PTPRM: variants seen among roughly 807,000 people sequenced by gnomAD.
PTPRM encodes the protein protein tyrosine phosphatase receptor type M.
A neutral mutation model predicts 186.7 loss-of-function variants in PTPRM; 47 were observed. The ratio of observed to expected loss-of-function variants is 0.25; its 90% CI spans 0.20 to 0.32. The LOEUF (loss-of-function observed/expected upper bound fraction) is 0.32, where lower values mean the gene tolerates loss of function less well. Among genes scored for constraint, PTPRM ranks in the 10% least tolerant of loss-of-function variants. The pLI, the probability that PTPRM is intolerant of heterozygous loss-of-function variation, is 1.00. For synonymous variants in PTPRM, 668 were observed against 674.9 expected (o/e 0.99, Z 0.16); for missense variants, 1,494 against 1,865.0 (o/e 0.80, Z 3.66).
At chr18:7,614,046 G>A (rs1217557375) in intron 1 of PTPRM, among the ~76,000 whole-genome samples, 1 of 152,152 alleles carries the variant, frequency 6.6e-6, no homozygotes, top group Non-Finnish European at 1.5e-5. Flanking sequence ...GGGGTCTGCC[G>A]ATGGTGCATA....
chr18:8,383,932 T>C (rs190814172), intron 29 of PTPRM, among the ~76,000 whole-genome samples: 2 of 152,004 alleles, frequency 1.3e-5, no homozygotes, highest in Admixed American at 1.3e-4. Flanking sequence ...CTGATGAGAG[T>C]TCCCTTCACC....
chr18:7,690,942 G>T (rs1457091073), intron 1 of PTPRM, among the ~76,000 whole-genome samples: 1 of 151,874 alleles, frequency 6.6e-6, no homozygotes. Context: ...GGGTTTTTTT[G>T]GAATTTTAAT....
intron 1 of PTPRM, among the ~76,000 whole-genome samples, chr18:7,720,248 G>A (rs1446075): frequency 3.9e-5 from 6 of 152,034 alleles, no homozygotes; most frequent in South Asian, 2.1e-4. Flanking sequence ...TAAAATAAAC[G>A]TACAAAAATA....
intron 2 of PTPRM, among the ~76,000 whole-genome samples, chr18:7,806,223 A>C (rs1451480542): frequency 6.6e-6 from 1 of 152,144 alleles, no homozygotes; most frequent in African/African-American, 2.4e-5. Context: ...ACTAATGTCA[A>C]ATTTGGTCTG....
At chr18:8,111,370 T>C (rs1309374238) in intron 11 of PTPRM, among the ~76,000 whole-genome samples, 1 of 152,152 alleles carries the variant, frequency 6.6e-6, no homozygotes, top group African/African-American at 2.4e-5. Flanking sequence ...CCCAGAACTT[T>C]GGGAGGCCGA....
At chr18:8,326,904 C>T (rs141810992) in intron 22 of PTPRM, among the ~76,000 whole-genome samples, 1 of 152,138 alleles carries the variant, frequency 6.6e-6, no homozygotes, top group African/African-American at 2.4e-5. Flanking sequence ...GGGGCCTTTT[C>T]TTTTTAATAC....
chr18:7,947,079 G>A (rs2052578950), intron 5 of PTPRM: 2 of 451,194 alleles, frequency 4.4e-6, no homozygotes, highest in Non-Finnish European at 4.4e-6. Context: ...TTCAGGATTA[G>A]CAAGCCCATT....
chr18:7,705,273 A>C (rs2040053938), intron 1 of PTPRM, among the ~76,000 whole-genome samples: 1 of 137,606 alleles, frequency 7.3e-6, no homozygotes, highest in Non-Finnish European at 1.6e-5. Flanking sequence ...ATTTGAAAAT[A>C]TCTATTTATC....
chr18:7,836,938 A>T (rs1020245570), intron 2 of PTPRM, among the ~76,000 whole-genome samples: 2 of 151,764 alleles, frequency 1.3e-5, no homozygotes, highest in Non-Finnish European at 2.9e-5. Context: ...GACCTTTGGG[A>T]GTTTGATTAT....
At chr18:8,019,577 C>G (rs1322885845) in intron 7 of PTPRM, among the ~76,000 whole-genome samples, 1 of 151,412 alleles carries the variant, frequency 6.6e-6, no homozygotes, top group Non-Finnish European at 1.5e-5. Context: ...TTATTTTCCT[C>G]CTACTTCTTT....
At chr18:8,335,050 G>T (rs2095431234) in intron 22 of PTPRM, among the ~76,000 whole-genome samples, 1 of 152,152 alleles carries the variant, frequency 6.6e-6, no homozygotes, top group Non-Finnish European at 1.5e-5. Context: ...CCCGAGCTTT[G>T]ATTCTAAAAC....
intron 7 of PTPRM, among the ~76,000 whole-genome samples, chr18:8,030,633 T>C (rs2085901986): frequency 6.6e-6 from 1 of 152,160 alleles, no homozygotes; most frequent in Non-Finnish European, 1.5e-5. Flanking sequence ...ACGTTTTGTC[T>C]GTTCTGTGTA....
chr18:7,926,484 C>T, intron 4 of PTPRM, 84 bp from the exon 5 acceptor site: 1 of 1,038,070 alleles, frequency 9.6e-7, no homozygotes, highest in Non-Finnish European at 1.3e-6. Context: ...ATTGAAAGGC[C>T]AAAAATTTCA....
At chr18:8,103,971 C>T (rs2091406073) in intron 11 of PTPRM, among the ~76,000 whole-genome samples, 2 of 151,518 alleles carry the variant, frequency 1.3e-5, no homozygotes, top group Admixed American at 1.3e-4. Context: ...AGTAGGGAGG[C>T]CCAGTGCCAG....
At position 7,587,162 on chromosome 18, in the gene PTPRM, A is replaced by G. The variant is rs142008309; in HGVS notation, c.73+19271A>G. Among the ~76,000 whole-genome samples, 9 of 152,310 alleles carry G rather than the reference A, an allele frequency of 5.9e-5. 1 individual carries two copies. The East Asian group carries it at 1.7e-3, about 29-fold the overall frequency. On this transcript the variant is annotated intron_variant, in intron 1 of 32. Coordinates refer to ENST00000580170, the MANE Select transcript of PTPRM (RefSeq NM_001105244.2). ...TTTATGTAGTTGAATTATCACTAGTATGTAATCGAATCATTGTTAAAATTT... is the reference window on the plus strand; with the variant it reads ...TTTATGTAGTTGAATTATCACTAGTGTGTAATCGAATCATTGTTAAAATTT...
At chr18:8,187,699 G>A (rs1239276928) in intron 14 of PTPRM, among the ~76,000 whole-genome samples, 1 of 152,142 alleles carries the variant, frequency 6.6e-6, no homozygotes, top group Non-Finnish European at 1.5e-5. Context: ...TTTAAGAGGT[G>A]AAGTTAACGG....
intron 7 of PTPRM, among the ~76,000 whole-genome samples, chr18:7,996,891 A>T (rs147484992): frequency 6.6e-6 from 1 of 152,086 alleles, no homozygotes; most frequent in Non-Finnish European, 1.5e-5. Context: ...AATTGAAAAC[A>T]CCAAAAATGA....
At chr18:7,905,942 A>G (rs1392430088) in intron 3 of PTPRM, among the ~76,000 whole-genome samples, 1 of 152,218 alleles carries the variant, frequency 6.6e-6, no homozygotes, top group African/African-American at 2.4e-5. Context: ...TCTTGAGGGA[A>G]AACAACCACA....
In PTPRM at chr18:8,253,283, A is replaced by G. The variant is rs971286558; in HGVS notation, c.2623A>G (p.Lys875Glu). The G allele has an allele frequency of 4.4e-6, 7 of 1,594,510 alleles. No homozygotes were observed. In the Admixed American group the frequency reaches 1.2e-4, roughly 28 times the overall value. ...CAGCCTGGTGCAGTCCCATACTTAC[A>G]AGAAGCGAGAGCCGGCCGACGTGCC... is the stretch of plus-strand genomic sequence containing the variant. ...TSSLVQSHTY[K>E]KREPADVPYQ... Residue 875 changes from lysine to glutamate, a missense_variant, in exon 19 of 33, where the codon AAG becomes GAG. Around this residue, in one of 3 missense-constraint regions of PTPRM, gnomAD observed 1,107 missense variants for 1,350.2 expected, o/e 0.82. Coordinates refer to ENST00000580170, the MANE Select transcript of PTPRM (RefSeq NM_001105244.2).
Sources: gnomAD v4.1 joint callset for allele counts (sites outside exome capture counted in the v4.1 genomes callset) on GRCh38, gnomAD v4.1.1 for gene constraint, gnomAD v4.1.1 regional missense constraint, MANE v1.5 for transcripts, NCBI Gene and HGNC (gene_info 2026-07-23, HGNC 2026-07-21) for gene names.